CMIP: variants seen among roughly 807,000 people sequenced by gnomAD.
The protein encoded by CMIP is c-Maf inducing protein, also known as C-Maf-inducing protein.
In CMIP, 13 loss-of-function variants were observed where a neutral mutation model predicts 97.3. That is an observed-to-expected ratio of 0.13 (90% CI 0.09 to 0.21). The LOEUF (loss-of-function observed/expected upper bound fraction) is 0.21, where lower values mean the gene tolerates loss of function less well. Among genes scored for constraint, CMIP ranks in the 10% least tolerant of loss-of-function variants. The pLI, the probability that CMIP is intolerant of heterozygous loss-of-function variation, is 1.00. For missense variants in CMIP, 847 were observed against 1,024.9 expected (o/e 0.83, Z 2.37); for synonymous variants, 538 against 436.3 (o/e 1.23, Z -2.91).
intron 11 of CMIP, 122 bp from the exon 12 acceptor site, chr16:81,693,036 A>T: frequency 2.8e-6 from 2 of 723,186 alleles, no homozygotes; most frequent in Non-Finnish European, 4.8e-6. Flanking sequence ...TTTCACTCAC[A>T]TTCCTCTTCA....
intron 3 of CMIP, among the ~76,000 whole-genome samples, chr16:81,647,948 C>T (rs1380226800): frequency 1.2e-4 from 13 of 104,192 alleles, no homozygotes; most frequent in African/African-American, 4.7e-4. Flanking sequence ...CCACCCTCCC[C>T]CCGCACCCGC....
chr16:81,645,293 C>T (rs1435918112), intron 3 of CMIP: 51 of 1,081,108 alleles, frequency 4.7e-5, no homozygotes, highest in Non-Finnish European at 5.9e-5. Context: ...CTCTGCAGTG[C>T]CATGGGCGCG....
At chr16:81,482,962 C>T (rs935243521) in intron 1 of CMIP, among the ~76,000 whole-genome samples, 5 of 152,242 alleles carry the variant, frequency 3.3e-5, no homozygotes, top group African/African-American at 1.2e-4. Flanking sequence ...CACCAGGCAC[C>T]ATTGCAGGCA....
intron 1 of CMIP, among the ~76,000 whole-genome samples, chr16:81,510,920 A>C (rs1008103328): frequency 6.6e-6 from 1 of 152,134 alleles, no homozygotes; most frequent in Admixed American, 6.5e-5. Context: ...GGGTTTCACC[A>C]TATTGGTCAG....
intron 1 of CMIP, among the ~76,000 whole-genome samples, chr16:81,530,155 A>T (rs1189306949): frequency 1.3e-5 from 2 of 152,206 alleles, no homozygotes; most frequent in African/African-American, 4.8e-5. Flanking sequence ...CCAGGGGGAA[A>T]ATCAGACTCA....
At chr16:81,664,558 G>A (rs947132529) in intron 7 of CMIP, 42 of 581,664 alleles carry the variant, frequency 7.2e-5, no homozygotes, top group Non-Finnish European at 1.0e-4. Context: ...TCTTTTTGCA[G>A]TTCCTAAGAA....
chr16:81,668,877 T>TGCCTTCCACACCCACCTCACA (rs2092641812), intron 7 of CMIP, among the ~76,000 whole-genome samples: 2 of 61,998 alleles, frequency 3.2e-5, no homozygotes, highest in East Asian at 2.1e-3. Context: ...CACCTCACAC[T>TGCCTTCCACACCCACCTCACA]CATTGCCTTC....
At chr16:81,560,296 G>A (rs1044466592) in intron 1 of CMIP, among the ~76,000 whole-genome samples, 176 of 151,068 alleles carry the variant, frequency 1.2e-3, no homozygotes, top group African/African-American at 4.2e-3. Context: ...TCGGCTCGCT[G>A]CAAGCTCCGC....
chr16:81,591,470 G>A (rs1362868529), intron 1 of CMIP, among the ~76,000 whole-genome samples: 1 of 152,174 alleles, frequency 6.6e-6, no homozygotes, highest in Non-Finnish European at 1.5e-5. Flanking sequence ...TGGCATCTGG[G>A]GGAGGAGCAC....
chr16:81,542,015 T>C lies in CMIP; in HGVS notation c.301-65552T>C, dbSNP rs115172588. 7.1e-3 allele frequency among the ~76,000 whole-genome samples: 1,075 copies of C among 152,350 alleles called. 13 individuals carry two copies. The highest frequency in any genetic ancestry group is 0.024 in the African/African-American group (1,000 of 41,578). On this transcript the variant is annotated intron_variant, in intron 1 of 20. Transcript: ENST00000537098. The stretch of plus-strand genomic sequence containing the variant: ...TAATAACCAAAGACTGACCTTATTC[T>C]GTTCAGCTGCCACATCACATTCCAT...
chr16:81,684,373 C>G (rs969157802), intron 10 of CMIP, among the ~76,000 whole-genome samples: 1 of 152,254 alleles, frequency 6.6e-6, no homozygotes, highest in African/African-American at 2.4e-5. Context: ...TTCTCATGCC[C>G]CGTGCCTTCC....
intron 1 of CMIP, among the ~76,000 whole-genome samples, chr16:81,574,560 A>G (rs1229888272): frequency 6.6e-6 from 1 of 152,288 alleles, no homozygotes; most frequent in African/African-American, 2.4e-5. Context: ...GACAAATTGG[A>G]AAATTCAGTC....
At chr16:81,494,437 C>G (rs78700993) in intron 1 of CMIP, among the ~76,000 whole-genome samples, 1 of 152,124 alleles carries the variant, frequency 6.6e-6, no homozygotes, top group Non-Finnish European at 1.5e-5. Flanking sequence ...GTGGGTCTCC[C>G]TATAGCCTGG....
chr16:81,610,046 G>T (rs1235724860), intron 2 of CMIP, among the ~76,000 whole-genome samples: 2 of 152,186 alleles, frequency 1.3e-5, no homozygotes, highest in Admixed American at 1.3e-4. Context: ...AAACATTCCA[G>T]TTGGAGGAGA....
intron 1 of CMIP, among the ~76,000 whole-genome samples, chr16:81,572,347 C>G (rs1374835801): frequency 1.3e-5 from 2 of 152,208 alleles, no homozygotes; most frequent in East Asian, 3.9e-4. Flanking sequence ...CGCGGTCGCT[C>G]TTGGAAAGAG....
chr16:81,513,746 G>A (rs1391480368), intron 1 of CMIP, among the ~76,000 whole-genome samples: 2 of 152,246 alleles, frequency 1.3e-5, no homozygotes, highest in Non-Finnish European at 2.9e-5. Flanking sequence ...AGGGACACAG[G>A]CATGGCCCTA....
intron 1 of CMIP, among the ~76,000 whole-genome samples, chr16:81,461,990 A>G (rs1276811995): frequency 6.6e-6 from 1 of 152,182 alleles, no homozygotes. Flanking sequence ...AGATGAGGCT[A>G]GTTTTCTTCC....
intron 3 of CMIP, among the ~76,000 whole-genome samples, chr16:81,643,375 G>C (rs922336646): frequency 6.6e-6 from 1 of 152,240 alleles, no homozygotes; most frequent in Non-Finnish European, 1.5e-5. Flanking sequence ...GGGGCTGGGG[G>C]AGAGTACAAT....
At chr16:81,458,421 C>T (rs1459760117) in intron 1 of CMIP, among the ~76,000 whole-genome samples, 5 of 152,168 alleles carry the variant, frequency 3.3e-5, no homozygotes, top group Non-Finnish European at 5.9e-5. Context: ...AAGCAGGGCA[C>T]CCTCTCTGGG....
Sources: allele counts gnomAD v4.1 joint callset (sites outside exome capture counted in the v4.1 genomes callset), GRCh38; gene constraint gnomAD v4.1.1; transcripts MANE v1.5; gene names NCBI Gene and HGNC (gene_info 2026-07-23, HGNC 2026-07-21).